The following ANO1 variants were observed in gnomAD, a reference collection of about 807,000 sequenced individuals.
ANO1 encodes the protein anoctamin 1.
ANO1 carries 59 observed loss-of-function variants against 124.0 expected under a neutral mutation model. The observed-to-expected ratio is 0.48, with a 90% CI of 0.39 to 0.59. The LOEUF is 0.59. Among genes scored for constraint, ANO1 ranks in the 20% least tolerant of loss-of-function variants. ANO1 has a pLI of 0.00. For missense variants in ANO1, 1,059 were observed against 1,328.0 expected (o/e 0.80, Z 3.15); for synonymous variants, 529 against 532.0 (o/e 0.99, Z 0.08).
intron 18 of ANO1, 46 bp downstream of exon 18, chr11:70,161,779 C>A: frequency 6.4e-7 from 1 of 1,574,756 alleles, no homozygotes; most frequent in Non-Finnish European, 8.7e-7. Context: ...CTCCCAGGTC[C>A]AGGAGAGGGC....
chr11:70,052,540 T>C (rs1426270604), intron 1 of ANO1, among the ~76,000 whole-genome samples: 121 of 63,804 alleles, frequency 1.9e-3, no homozygotes, highest in African/African-American at 8.0e-3. Flanking sequence ...TCTTTTTTTT[T>C]TTTTTTTTTT....
At chr11:70,027,316 G>A (rs4980747) in intron 1 of ANO1, among the ~76,000 whole-genome samples, 4,726 of 152,144 alleles carry the variant, frequency 0.031, 252 homozygotes, top group East Asian at 0.22. Context: ...GCCTACAGCC[G>A]GGCAGAATCA....
upstream of ANO1, among the ~76,000 whole-genome samples, chr11:69,980,967 G>A (rs1197782215): frequency 7.2e-5 from 11 of 152,114 alleles, no homozygotes; most frequent in African/African-American, 2.4e-4. Context: ...CAGGAGAATC[G>A]CTTGAACCCG....
At chr11:69,968,798 T>A in the ANO1 span, among the ~76,000 whole-genome samples, 1 of 152,192 alleles carries the variant, frequency 6.6e-6, no homozygotes, top group Non-Finnish European at 1.5e-5. Context: ...AGGATTTCTG[T>A]CCAGGAGCAG....
At chr11:70,116,298 C>T (rs771623015) in intron 7 of ANO1, among the ~76,000 whole-genome samples, 160 bp from the exon 8 acceptor site, 1 of 152,194 alleles carries the variant, frequency 6.6e-6, no homozygotes, top group Non-Finnish European at 1.5e-5. Context: ...CGGGGGCACA[C>T]CTGGGCAACC....
At chr11:70,004,784 G>C (rs1041286024) in intron 1 of ANO1, among the ~76,000 whole-genome samples, 1 of 152,174 alleles carries the variant, frequency 6.6e-6, no homozygotes, top group Non-Finnish European at 1.5e-5. Context: ...TTACACTAGC[G>C]CACCTTTGAA....
At chr11:70,075,481 A>C (rs2044046456), upstream of ANO1, 1 of 152,120 alleles carries the variant, frequency 6.6e-6, no homozygotes, top group South Asian at 2.1e-4. Context: ...AAAAAAAAAA[A>C]ATCAGCAAAG....
chr11:69,995,322 C>T (rs1856248841), intron 1 of ANO1, among the ~76,000 whole-genome samples: 1 of 152,114 alleles, frequency 6.6e-6, no homozygotes. Context: ...TGGTCTTGAA[C>T]TCCTGACCTT....
chr11:70,085,759 TCCCTC>T, intron 1 of ANO1: 1 of 1,386,824 alleles, frequency 7.2e-7, no homozygotes, highest in East Asian at 2.6e-5. Flanking sequence ...CTCGAGGCCT[TCCCTC>T]CCCCTCTCCC....
intron 11 of ANO1, chr11:70,141,659 A>AG (rs912129334): frequency 2.4e-4 from 37 of 152,346 alleles, no homozygotes; most frequent in Admixed American, 1.1e-3. Flanking sequence ...CGGAGAGGGG[A>AG]GGGACAAAGC....
the ANO1 span, among the ~76,000 whole-genome samples, chr11:69,979,930 C>T: frequency 2.0e-5 from 3 of 152,112 alleles, no homozygotes; most frequent in Admixed American, 1.3e-4. Flanking sequence ...CCAACTGTGC[C>T]GTGCCGTGGT....
Position 70,188,236 on chromosome 11 carries a change from G to A in ANO1, c.*232G>A. ...TTTTTTAATCTGTAGTATTCAAGAT[G>A]AATCAAAATGATGGCTGGTAATACG... is the stretch of plus-strand genomic sequence containing the variant. On this transcript the variant is annotated 3_prime_UTR_variant, in exon 26 of 26. Coordinates refer to ENST00000355303, the MANE Select transcript of ANO1 (RefSeq NM_018043.7). The A allele has an allele frequency of 3.5e-6, 2 of 579,086 alleles. No individual in the cohort carries two copies. Among genetic ancestry groups the A allele is most frequent in the Non-Finnish European group, 3.0e-6 (1 of 332,734 alleles). 35.9% of individuals were successfully genotyped at this position (579,086 alleles called of 1,614,324 possible).
At chr11:70,028,158 A>G (rs1555003414) in intron 1 of ANO1, among the ~76,000 whole-genome samples, 1 of 152,188 alleles carries the variant, frequency 6.6e-6, no homozygotes, top group African/African-American at 2.4e-5. Context: ...GTCAGGTGTG[A>G]CCCGAAGTGT....
intron 22 of ANO1, among the ~76,000 whole-genome samples, chr11:70,171,442 C>T (rs1487837986): frequency 6.6e-6 from 1 of 152,154 alleles, no homozygotes; most frequent in East Asian, 1.9e-4. Flanking sequence ...CAGCAAGTGC[C>T]CTCCTACATG....
intron 2 of ANO1, among the ~76,000 whole-genome samples, chr11:70,096,864 A>AAAT (rs746050611): frequency 0.021 from 3,146 of 151,462 alleles, 56 homozygotes; most frequent in Non-Finnish European, 0.028. Context: ...CTGTCTCAAA[A>AAAT]AATAATAATA....
chr11:70,090,530 C>T (rs764795710), intron 2 of ANO1, among the ~76,000 whole-genome samples: 1 of 152,198 alleles, frequency 6.6e-6, no homozygotes, highest in Non-Finnish European at 1.5e-5. Flanking sequence ...GTAACCTTTG[C>T]AAAGTGCTTA....
At chr11:70,105,184 G>A (rs12419241) in intron 4 of ANO1, among the ~76,000 whole-genome samples, 14,145 of 152,114 alleles carry the variant, frequency 0.093, 952 homozygotes, top group Admixed American at 0.15. Flanking sequence ...TGGCCCAGCC[G>A]CCCTCCCCAG....
chr11:70,183,207 A>G (rs1353507246), intron 24 of ANO1, among the ~76,000 whole-genome samples: 1 of 152,222 alleles, frequency 6.6e-6, no homozygotes, highest in Non-Finnish European at 1.5e-5. Context: ...GGCTGGATCC[A>G]GGAGCTACAG....
intron 14 of ANO1, 51 bp downstream of exon 14, chr11:70,153,179 A>C (rs1346786201): frequency 1.4e-6 from 2 of 1,462,360 alleles, no homozygotes; most frequent in Non-Finnish European, 1.9e-6. Context: ...CACTGTGTTC[A>C]TCAACCATGT....
Sources: gnomAD v4.1 joint callset for allele counts (sites outside exome capture counted in the v4.1 genomes callset) on GRCh38, gnomAD v4.1.1 for gene constraint, MANE v1.5 for transcripts, NCBI Gene and HGNC (gene_info 2026-07-23, HGNC 2026-07-21) for gene names.